The following PTGS1 variants were observed in gnomAD, a reference collection of about 807,000 sequenced individuals.
PTGS1 encodes prostaglandin G/H synthase 1.
A neutral mutation model predicts 63.0 loss-of-function variants in PTGS1; 40 were observed. That is an observed-to-expected ratio of 0.63 (90% CI 0.49 to 0.83). The LOEUF is 0.83. Among genes scored for constraint, PTGS1 ranks in the 40% least tolerant of loss-of-function variants. PTGS1 has a pLI of 0.00. For synonymous variants in PTGS1, 298 were observed against 301.9 expected (o/e 0.99, Z 0.13); for missense variants, 709 against 786.5 (o/e 0.90, Z 1.18).
rs1467444991 is a variant in PTGS1, at chr9:122,394,764, A to G, written c.*2220A>G. 1 of 152,132 alleles carries G rather than the reference A, an allele frequency of 6.6e-6. No homozygotes were observed. The highest frequency in any genetic ancestry group is 1.5e-5 in the Non-Finnish European group (1 of 68,082). The allele number at this position is 152,132 out of a possible 1,614,324, so 9.4% of individuals were successfully genotyped here. On this transcript the variant is annotated 3_prime_UTR_variant, in exon 11 of 11. Coordinates refer to ENST00000362012, the MANE Select transcript of PTGS1 (RefSeq NM_000962.4). ...TGACTCATCCCCACAGCTGGCTCTG[A>G]CAAGATGGTCCATTTGTTCCTGCTT...
chr9:122,383,928 C>A (rs563050818), intron 8 of PTGS1, among the ~76,000 whole-genome samples, 173 bp downstream of exon 8: 1 of 152,172 alleles, frequency 6.6e-6, no homozygotes, highest in African/African-American at 2.4e-5. Flanking sequence ...GTCTCCAAAT[C>A]TGTACGTTGG....
In PTGS1 at chr9:122,393,466, T is replaced by G. The variant is rs1311998396; in HGVS notation, c.*922T>G. 8 of 152,244 alleles carry G rather than the reference T, an allele frequency of 5.3e-5. No homozygotes were observed. Among genetic ancestry groups the G allele is most frequent in the African/African-American group, 1.9e-4 (8 of 41,440 alleles). The allele number at this position is 152,244 out of a possible 1,614,324, so 9.4% of individuals were successfully genotyped here. A position where few individuals can be genotyped will look rare whatever the true frequency, so the allele number is the denominator to read the frequency against. On this transcript the variant is annotated 3_prime_UTR_variant, in exon 11 of 11. Transcript: ENST00000362012. ...TGTATAGACATGCTACCACTGGTAC[T>G]TCCTTTCTCCCTGCGGGCCAGGCAC...
intron 5 of PTGS1, 88 bp downstream of exon 5, chr9:122,379,006 G>C (rs1837356446): frequency 1.3e-6 from 2 of 1,524,500 alleles, no homozygotes; most frequent in South Asian, 1.2e-5. Context: ...AACAATTATT[G>C]ACCCAATTCT....
At chr9:122,392,118 G>C in intron 10 of PTGS1, 71 bp from the exon 11 acceptor site, 2 of 1,356,856 alleles carry the variant, frequency 1.5e-6, no homozygotes, top group Non-Finnish European at 2.0e-6. Flanking sequence ...GGACCTGGAA[G>C]GGTCCCGCCC....
At chr9:122,387,345 G>A (rs1431500395) in intron 9 of PTGS1, among the ~76,000 whole-genome samples, 1 of 152,144 alleles carries the variant, frequency 6.6e-6, no homozygotes, top group East Asian at 1.9e-4. Flanking sequence ...GCATGGTAAT[G>A]TATGTAACAG....
chr9:122,375,980 G>A (rs999177681), intron 2 of PTGS1, among the ~76,000 whole-genome samples: 1 of 152,146 alleles, frequency 6.6e-6, no homozygotes, highest in Non-Finnish European at 1.5e-5. Flanking sequence ...TGGGCAGTGG[G>A]TGCTACAGGG....
At chr9:122,370,731 G>A (rs1445529390), upstream of PTGS1, 2 of 507,122 alleles carry the variant, frequency 3.9e-6, no homozygotes, top group Non-Finnish European at 3.5e-6. Context: ...TGGTTCAGAC[G>A]AGCCGCTTCC....
chr9:122,381,266 C>A, intron 5 of PTGS1, 105 bp from the exon 6 acceptor site: 1 of 1,276,368 alleles, frequency 7.8e-7, no homozygotes, highest in Non-Finnish European at 1.1e-6. Flanking sequence ...GAGGAGGCCA[C>A]TCTGGGCTTC....
At chr9:122,385,023 T>A (rs1837791367) in intron 8 of PTGS1, among the ~76,000 whole-genome samples, 1 of 152,208 alleles carries the variant, frequency 6.6e-6, no homozygotes. Flanking sequence ...AATGGCGTGA[T>A]CTTGGCTCAC....
chr9:122,378,821 T>G lies in PTGS1; in HGVS notation c.399T>G (p.His133Gln). Residue 133 changes from histidine to glutamine, a missense_variant, in exon 5 of 11, where the codon CAT (histidine) becomes CAG (glutamine). Transcript: ENST00000362012. ...IPSPPTYNSAHDYISWESFSN... is the reference protein window; with the variant it reads ...IPSPPTYNSAQDYISWESFSN... The stretch of plus-strand genomic sequence containing the variant: ...GTCCCCCCACCTACAACTCAGCACA[T>G]GACTACATCAGCTGGGAGTCTTTCT... The G allele has an allele frequency of 6.2e-7, 1 of 1,614,242 alleles. No individual in the cohort carries two copies. Among genetic ancestry groups the G allele is most frequent in the East Asian group, 2.2e-5 (1 of 44,884 alleles).
intron 2 of PTGS1, among the ~76,000 whole-genome samples, chr9:122,374,462 A>C (rs1275038145): frequency 6.6e-6 from 1 of 152,130 alleles, no homozygotes; most frequent in Non-Finnish European, 1.5e-5. Flanking sequence ...TCTCTAATAC[A>C]GCTCTCCCAA....
In PTGS1 at chr9:122,393,928, A is replaced by G. The variant is rs1838434955; in HGVS notation, c.*1384A>G. 1 of 152,256 alleles carries G rather than the reference A, an allele frequency of 6.6e-6. No homozygotes were observed. The highest frequency in any genetic ancestry group is 1.5e-5 in the Non-Finnish European group (1 of 68,052). The allele number at this position is 152,256 out of a possible 1,614,324, so 9.4% of individuals were successfully genotyped here. A position where few individuals can be genotyped will look rare whatever the true frequency, so the allele number is the denominator to read the frequency against. Reference sequence around the variant, plus strand: ...ATATGTATTTTCCTAAGTGTTTACTATGTGCCAGTTCCTGTAACAGGTGTG... The same window carrying G: ...ATATGTATTTTCCTAAGTGTTTACTGTGTGCCAGTTCCTGTAACAGGTGTG... On this transcript the variant is annotated 3_prime_UTR_variant, in exon 11 of 11. Transcript: ENST00000362012.
intron 1 of PTGS1, 28 bp from the exon 2 acceptor site, chr9:122,371,158 C>T: frequency 6.2e-7 from 1 of 1,608,216 alleles, no homozygotes; most frequent in Non-Finnish European, 8.5e-7. Context: ...GAATGCCAGG[C>T]TCAGCCCCTC....
At position 122,383,738 on chromosome 9, in the gene PTGS1, C is replaced by T; in HGVS notation, c.992C>T (p.Thr331Ile). The change falls in exon 8 of 11, where the codon ACC becomes ATC. Residue 331 changes from threonine (T) to isoleucine (I), a missense_variant. By Grantham distance (89) the Thr-to-Ile change is moderately conservative (BLOSUM62 -1). Transcript: ENST00000362012. ...GGCGATGAGCAGCTTTTCCAGACGA[C>T]CCGCCTCATCCTCATAGGTGAGGAC... ...TWGDEQLFQT[T>I]RLILIGETIK... is the part of the protein sequence containing the mutation. 1 of 1,611,290 alleles carries T rather than the reference C, an allele frequency of 6.2e-7. No homozygotes were observed.
At chr9:122,383,184 T>G (rs1005225743) in intron 7 of PTGS1, among the ~76,000 whole-genome samples, 24 of 151,142 alleles carry the variant, frequency 1.6e-4, no homozygotes, top group Admixed American at 2.0e-4. Flanking sequence ...TTTGTTGTTT[T>G]TTTTTTTTTA....
intron 7 of PTGS1, among the ~76,000 whole-genome samples, chr9:122,383,177 G>C (rs896166276): frequency 7.8e-6 from 1 of 128,336 alleles, no homozygotes; most frequent in Non-Finnish European, 1.7e-5. Flanking sequence ...TGCAAGATTT[G>C]TTGTTTTTTT....
At position 122,383,494 on chromosome 9, in the gene PTGS1, G is replaced by A. The variant is rs199590416; in HGVS notation, c.763-15G>A. 5 of 1,585,368 alleles carry A rather than the reference G, an allele frequency of 3.2e-6. No homozygotes were observed. Among genetic ancestry groups the A allele is most frequent in the Non-Finnish European group, 2.6e-6 (3 of 1,159,370 alleles). The stretch of plus-strand genomic sequence containing the variant: ...GACCCCCAACCCCAGGTTGCCAGGT[G>A]GCCCCATCCCACAGGTGCTGGATGG... On this transcript the variant is annotated splice_polypyrimidine_tract_variant and intron_variant, in intron 7 of 10. Transcript: ENST00000362012.
chr9:122,389,705 G>A (rs970460064), intron 9 of PTGS1, among the ~76,000 whole-genome samples: 2 of 152,034 alleles, frequency 1.3e-5, no homozygotes, highest in African/African-American at 2.4e-5. Flanking sequence ...CTGTAATCCC[G>A]GCAGTTTGGG....
rs72444571 is a variant in PTGS1, at chr9:122,386,130, TAAAA to T, written c.1010-304_1010-301del. On this transcript the variant is annotated intron_variant, in intron 8 of 10. Transcript: ENST00000362012. ...GATAACATAGTGAGACCCCATCTCT[TAAAA>T]AAAAAAAAAAAGAAAGAAAGAAAGC... is the stretch of plus-strand genomic sequence containing the variant. Among the ~76,000 whole-genome samples the T allele has an allele frequency of 2.9e-5, 4 of 138,960 alleles. No individual in the cohort carries two copies. In the East Asian group the frequency reaches 8.4e-4, roughly 29 times the overall value. The allele number at this position is 138,960 out of a possible 152,430, so 91.2% of individuals were successfully genotyped here.
Sources: gnomAD v4.1 joint callset for allele counts (sites outside exome capture counted in the v4.1 genomes callset) on GRCh38, gnomAD v4.1.1 for gene constraint, MANE v1.5 for transcripts, NCBI Gene and HGNC (gene_info 2026-07-23, HGNC 2026-07-21) for gene names.